NSD2: variants seen among roughly 807,000 people sequenced by gnomAD.
NSD2 encodes histone-lysine N-methyltransferase NSD2.
In NSD2, 12 loss-of-function variants were observed where a neutral mutation model predicts 139.0. That is an observed-to-expected ratio of 0.09 (90% CI 0.06 to 0.14). The LOEUF is 0.14. Ranked by LOEUF, NSD2 falls within the 10% of genes least tolerant of loss-of-function variation. The pLI is 1.00. For missense variants in NSD2, 1,155 were observed against 1,745.0 expected (o/e 0.66, Z 6.02); for synonymous variants, 669 against 648.7 (o/e 1.03, Z -0.48).
intron 3 of NSD2, among the ~76,000 whole-genome samples, chr4:1,912,699 C>T (rs1300780757): frequency 6.6e-6 from 1 of 152,028 alleles, no homozygotes; most frequent in Non-Finnish European, 1.5e-5. Flanking sequence ...TTTAACCCTC[C>T]TTCCTTACTA....
chr4:1,891,109 A>T (rs1183296799), intron 1 of NSD2, among the ~76,000 whole-genome samples: 2 of 152,090 alleles, frequency 1.3e-5, no homozygotes, highest in Non-Finnish European at 2.9e-5. Flanking sequence ...GTCCAGGCTG[A>T]TGTCGAGTTC....
chr4:1,935,071 A>G, intron 6 of NSD2, 73 bp from the exon 7 acceptor site: 1 of 1,154,830 alleles, frequency 8.7e-7, no homozygotes, highest in Non-Finnish European at 1.3e-6. Context: ...TGCCCTGGGT[A>G]GGTTCTCACA....
At chr4:1,878,973 T>C (rs17132074) in intron 1 of NSD2, among the ~76,000 whole-genome samples, 9,935 of 152,162 alleles carry the variant, frequency 0.065, 1,103 homozygotes, top group African/African-American at 0.23. Context: ...TTGCTGGTAC[T>C]GTTACCTCTC....
chr4:1,948,478 C>T lies in NSD2; in HGVS notation c.1882-2594C>T, dbSNP rs2108930039. On this transcript the variant is annotated intron_variant, in intron 9 of 21. Transcript: ENST00000508803. The surrounding 1 kb of genome is among the most constrained non-coding windows in gnomAD (Gnocchi z 4.5). The stretch of plus-strand genomic sequence containing the variant: ...TGGGACGCCCTCGTACTTTGCTCTC[C>T]TTGCGGGTGGTTGCCGAGCCGAGAG... 9.4e-7 allele frequency: 1 copy of T among 1,065,410 alleles called. No individual in the cohort carries two copies. The highest frequency in any genetic ancestry group is 4.2e-4 in the Middle Eastern group (1 of 2,390). The allele number at this position is 1,065,410 out of a possible 1,614,324, so 66.0% of individuals were successfully genotyped here.
intron 7 of NSD2, 67 bp downstream of exon 7, chr4:1,935,329 T>C: frequency 7.9e-7 from 1 of 1,266,284 alleles, no homozygotes; most frequent in Non-Finnish European, 1.1e-6. Context: ...TGCCACTGTT[T>C]CCCTGCATGG....
intron 8 of NSD2, chr4:1,939,227 T>C (rs1267230871): frequency 6.2e-6 from 1 of 160,568 alleles, no homozygotes; most frequent in African/African-American, 2.4e-5. Context: ...CATGAGCAAT[T>C]GGACATTTGA....
At chr4:1,923,243 C>G (rs1446310679) in intron 5 of NSD2, among the ~76,000 whole-genome samples, 5 of 149,102 alleles carry the variant, frequency 3.4e-5, no homozygotes, top group Non-Finnish European at 7.4e-5. Flanking sequence ...AATCCCAGTA[C>G]TTTGGGAGGC....
chr4:1,954,303 T>G (rs1164244605), intron 12 of NSD2, among the ~76,000 whole-genome samples: 1 of 151,538 alleles, frequency 6.6e-6, no homozygotes, highest in East Asian at 1.9e-4. Flanking sequence ...TATTTTTTTG[T>G]AGAGATGAGG....
In NSD2 at chr4:1,980,852, A is replaced by G. The variant is rs1727690130; in HGVS notation, c.*1943A>G. The G allele has an allele frequency of 1.3e-5, 3 of 233,304 alleles. No homozygotes were observed. Among genetic ancestry groups the G allele is most frequent in the Non-Finnish European group, 2.5e-5 (3 of 118,040 alleles). 14.5% of individuals were successfully genotyped at this position (233,304 alleles called of 1,614,324 possible). Reference sequence around the variant, plus strand: ...ACTCTAACTTCTCCCAAAGTGTCCTAAGAAAATACTGGATCGGCTCATAGA... The same window carrying G: ...ACTCTAACTTCTCCCAAAGTGTCCTGAGAAAATACTGGATCGGCTCATAGA... On this transcript the variant is annotated 3_prime_UTR_variant, in exon 22 of 22. Transcript: ENST00000508803.
In NSD2 at chr4:1,953,509, C is replaced by T. The variant is rs540859268; in HGVS notation, c.2323C>T (p.Pro775Ser). ...VSCHASNPSN[P>S]RPSKGKMMRC... ...CTGCCATGCTTCCAACCCTTCAAAC[C>T]CAAGGCCGTCAAAAGGTACAGGTGC... The change falls in exon 12 of 22, where the codon CCA becomes TCA. Residue 775 changes from proline to serine, a missense_variant. Coordinates refer to ENST00000508803, the MANE Select transcript of NSD2 (RefSeq NM_001042424.3). 6.2e-7 allele frequency: 1 copy of T among 1,611,134 alleles called. No individual in the cohort carries two copies. Among genetic ancestry groups the T allele is most frequent in the Admixed American group, 1.7e-5 (1 of 59,920 alleles).
rs1577551197 is a variant in NSD2, at chr4:1,961,021, C to T, written c.3256-14C>T. The T allele has an allele frequency of 1.2e-6, 2 of 1,607,252 alleles. No individual in the cohort carries two copies. Among genetic ancestry groups the T allele is most frequent in the Non-Finnish European group, 1.7e-6 (2 of 1,174,230 alleles). On this transcript the variant is annotated splice_polypyrimidine_tract_variant and intron_variant, in intron 17 of 21. Transcript: ENST00000508803. ...GCACGCTTTTTGTCATGGCCACATG[C>T]TTGTGATTTCCAGGGAGAATTTGTT...
intron 5 of NSD2, among the ~76,000 whole-genome samples, chr4:1,928,920 C>A (rs1337678492): frequency 6.6e-6 from 1 of 151,836 alleles, no homozygotes; most frequent in East Asian, 1.9e-4. Context: ...GTCATGGCAG[C>A]AATCAGGGTA....
intron 3 of NSD2, among the ~76,000 whole-genome samples, chr4:1,914,618 G>A (rs1269282259): frequency 6.6e-6 from 1 of 151,980 alleles, no homozygotes; most frequent in African/African-American, 2.4e-5. Context: ...GAGCCACTGT[G>A]CCTGGCCCAG....
At position 1,981,735 on chromosome 4, in the gene NSD2, C is replaced by CCAT. The variant is rs1246581266; in HGVS notation, c.*2828_*2830dup. ...ATCTAAACCCCGGCGTGTGCAGTGC[C>CCAT]CATCTTCCAGGACTACCTTATTTTC... On this transcript the variant is annotated 3_prime_UTR_variant, in exon 22 of 22. Coordinates refer to ENST00000508803, the MANE Select transcript of NSD2 (RefSeq NM_001042424.3). The CCAT allele has an allele frequency of 7.6e-6, 3 of 396,826 alleles. No homozygotes were observed. The highest frequency in any genetic ancestry group is 4.1e-5 in the African/African-American group (2 of 48,596). The allele number at this position is 396,826 out of a possible 1,614,324, so 24.6% of individuals were successfully genotyped here. A position where few individuals can be genotyped will look rare whatever the true frequency, so the allele number is the denominator to read the frequency against.
intron 5 of NSD2, 138 bp from the exon 6 acceptor site, chr4:1,930,488 T>C (rs1445611611): frequency 4.5e-6 from 4 of 896,290 alleles, no homozygotes; most frequent in Admixed American, 3.3e-5. Context: ...GAAGCTTTTA[T>C]GGACATAGTT....
intron 1 of NSD2, among the ~76,000 whole-genome samples, chr4:1,879,583 C>T (rs1052997226): frequency 9.9e-5 from 15 of 152,060 alleles, no homozygotes; most frequent in Admixed American, 2.0e-4. Flanking sequence ...GTGATCCTGC[C>T]TGTCTTTCTA....
intron 3 of NSD2, among the ~76,000 whole-genome samples, chr4:1,906,295 G>A (rs1717887325): frequency 6.6e-6 from 1 of 152,052 alleles, no homozygotes; most frequent in African/African-American, 2.4e-5. Context: ...CTGGAGTGCA[G>A]TGGCGCAGTC....
chr4:1,873,110 T>C (rs1463066287), intron 1 of NSD2, among the ~76,000 whole-genome samples: 1 of 152,218 alleles, frequency 6.6e-6, no homozygotes, highest in East Asian at 1.9e-4. Context: ...TTTCCTTTTC[T>C]TTCCTTCCAT....
intron 7 of NSD2, among the ~76,000 whole-genome samples, chr4:1,938,088 C>G (rs1328223326): frequency 6.6e-6 from 1 of 152,156 alleles, no homozygotes; most frequent in Non-Finnish European, 1.5e-5. Flanking sequence ...AGTGGAGAGT[C>G]TAGGTGCATG....
Sources: allele counts gnomAD v4.1 joint callset (sites outside exome capture counted in the v4.1 genomes callset), GRCh38; gene constraint gnomAD v4.1.1; non-coding constraint Gnocchi (gnomAD v3.1); transcripts MANE v1.5; gene names NCBI Gene and HGNC (gene_info 2026-07-23, HGNC 2026-07-21).